TNC: variants seen among roughly 807,000 people sequenced by gnomAD.
The protein encoded by TNC is tenascin.
A neutral mutation model predicts 202.4 loss-of-function variants in TNC; 109 were observed. The observed-to-expected ratio is 0.54, with a 90% confidence interval of 0.46 to 0.63. The LOEUF (loss-of-function observed/expected upper bound fraction) is 0.63, where lower values mean the gene tolerates loss of function less well. TNC is among the 30% of genes least tolerant of loss of function. The probability of loss-of-function intolerance (pLI) is 0.00; values close to 1 mark genes in which losing one functional copy is unlikely to be tolerated. For synonymous variants in TNC, 1,007 were observed against 1,089.7 expected, an observed-to-expected ratio of 0.92 and a Z score of 1.50; for missense variants, 2,756 against 2,833.3, an observed-to-expected ratio of 0.97 and a Z score of 0.62.
intron 10 of TNC, among the ~76,000 whole-genome samples, chr9:115,066,131 G>A (rs562865197): frequency 1.3e-5 from 2 of 152,198 alleles, no homozygotes; most frequent in South Asian, 4.1e-4. Flanking sequence ...AAAAGAAAGA[G>A]GTCCTGGGAG....
Position 115,084,222 on chromosome 9 carries a change from G to A in TNC, c.2118C>T (p.Ala706=). 6.2e-7 allele frequency: 1 copy of A among 1,614,054 alleles called. No homozygotes were observed. Among genetic ancestry groups the A allele is most frequent in the Non-Finnish European group, 8.5e-7 (1 of 1,179,958 alleles). ...LENKKSIPVS[A]RVATYLPAPE... ...CTGCTCACTCACACGTGGCCACCCT[G>A]GCGCTGACAGGAATGCTCTTCTTGT... is the stretch of plus-strand genomic sequence containing the variant. The change falls in exon 4 of 28, where the codon GCC becomes GCT. Residue 706 remains alanine, a synonymous_variant. Coordinates refer to ENST00000350763, the MANE Select transcript of TNC (RefSeq NM_002160.4).
At chr9:115,087,710 T>C (rs1300959063) in intron 2 of TNC, among the ~76,000 whole-genome samples, 44 of 147,928 alleles carry the variant, frequency 3.0e-4, no homozygotes, top group Admixed American at 8.7e-4. Flanking sequence ...TTTTTTTTTT[T>C]TTTTTTTTTG....
intron 1 of TNC, among the ~76,000 whole-genome samples, chr9:115,107,027 T>C (rs1359899646): frequency 1.3e-5 from 2 of 152,106 alleles, no homozygotes; most frequent in African/African-American, 4.8e-5. Flanking sequence ...CTGAACTTCT[T>C]TTAGGTATAG....
chr9:115,107,188 G>A (rs948423152), intron 1 of TNC, among the ~76,000 whole-genome samples: 1 of 152,072 alleles, frequency 6.6e-6, no homozygotes, highest in Admixed American at 6.6e-5. Context: ...GACTGGAAGG[G>A]ATCAGTAAAC....
chr9:115,107,102 A>G (rs1448251329), intron 1 of TNC, among the ~76,000 whole-genome samples: 1 of 152,064 alleles, frequency 6.6e-6, no homozygotes, highest in Admixed American at 6.6e-5. Flanking sequence ...TTCAATCTCT[A>G]TATACACAAG....
chr9:115,106,272 T>C (rs1206089216), intron 1 of TNC, among the ~76,000 whole-genome samples: 3 of 152,192 alleles, frequency 2.0e-5, no homozygotes, highest in African/African-American at 7.2e-5. Flanking sequence ...TTAAGAAGGT[T>C]AAGTAAGTGG....
rs746905889 is a variant in TNC, at chr9:115,046,584, C to A, written c.4951G>T (p.Val1651Phe). The A allele has an allele frequency of 6.2e-7, 1 of 1,614,002 alleles. No individual in the cohort carries two copies. The highest frequency in any genetic ancestry group is 2.2e-5 in the East Asian group (1 of 44,868). ...TADEGVFDNFVLKIRDTKKQS... is the reference protein window; with the variant it reads ...TADEGVFDNFFLKIRDTKKQS... ...TTTTTGGTATCTCTGATTTTGAGAACAAAATTGTCGAAGACCCCTTCATCA... is the reference window on the plus strand; with the variant it reads ...TTTTTGGTATCTCTGATTTTGAGAAAAAAATTGTCGAAGACCCCTTCATCA... Residue 1651 changes from valine to phenylalanine, a missense_variant, in exon 17 of 28, where the codon GTT becomes TTT. Val to Phe is a conservative substitution (Grantham distance 50, BLOSUM62 -1). Coordinates refer to ENST00000350763, the MANE Select transcript of TNC (RefSeq NM_002160.4).
intron 20 of TNC, among the ~76,000 whole-genome samples, chr9:115,037,822 T>A (rs1187720961): frequency 6.6e-6 from 1 of 152,242 alleles, no homozygotes; most frequent in East Asian, 1.9e-4. Context: ...CCACTGTACC[T>A]GGCTTAAAAT....
Position 115,041,075 on chromosome 9 carries a change from G to A in TNC, c.5258C>T (p.Ser1753Phe). 6.2e-7 allele frequency: 1 copy of A among 1,613,456 alleles called. No individual in the cohort carries two copies. Among genetic ancestry groups the A allele is most frequent in the Non-Finnish European group, 8.5e-7 (1 of 1,179,588 alleles). ...TYVPITGGTP[S>F]MVTVDGTKTQ... ...CTTGGTTCCGTCCACAGTTACCATG[G>A]AGGGTGTACCTGGAACACAGTAAAA... The change falls in exon 19 of 28, where the codon TCC (serine) becomes TTC (phenylalanine). Residue 1753 changes from serine to phenylalanine, a missense_variant. Ser to Phe is a radical substitution (Grantham distance 155). Around this residue, in one of 2 missense-constraint regions of TNC, gnomAD observed 2,559 missense variants for 2,546.0 expected, o/e 1.01. Transcript: ENST00000350763.
At chr9:115,095,556 GTATATATATGTA>G (rs1835651563) in intron 1 of TNC, among the ~76,000 whole-genome samples, 1 of 2,168 alleles carries the variant, frequency 4.6e-4, no homozygotes, top group African/African-American at 1.7e-3. Flanking sequence ...GTATATATAT[GTATATATATGTA>G]TATATATGTA....
chr9:115,030,383 G>C lies in TNC; in HGVS notation c.5943C>G (p.Pro1981=), dbSNP rs1234401270. 3.7e-6 allele frequency: 6 copies of C among 1,613,780 alleles called. No individual in the cohort carries two copies. The highest frequency in any genetic ancestry group is 5.1e-6 in the Non-Finnish European group (6 of 1,179,844). The change falls in exon 24 of 28, where the codon CCC becomes CCG. Residue 1981 remains proline (P), a synonymous_variant. Coordinates refer to ENST00000350763, the MANE Select transcript of TNC (RefSeq NM_002160.4). ...FTTIGLLYPF[P]KDCSQAMLNG... is the part of the protein sequence containing the mutation. ...TCAGCATTGCTTGGGAGCAGTCCTT[G>C]GGGAAGGGGTACAGGAGTCCAACTG...
chr9:115,076,069 G>T lies in TNC; in HGVS notation c.2913C>A (p.Asp971Glu). The T allele has an allele frequency of 6.2e-7, 1 of 1,614,118 alleles. No homozygotes were observed. Among genetic ancestry groups the T allele is most frequent in the Non-Finnish European group, 8.5e-7 (1 of 1,180,026 alleles). Residue 971 changes from aspartate (D) to glutamate (E), a missense_variant, in exon 9 of 28, where the codon GAC becomes GAA. Coordinates refer to ENST00000350763, the MANE Select transcript of TNC (RefSeq NM_002160.4). ...TGATGGTCGCTGGATTGCTCTCCTTGTCTTCCTTCACAGCAGAAACTCCAA... is the reference window on the plus strand; with the variant it reads ...TGATGGTCGCTGGATTGCTCTCCTTTTCTTCCTTCACAGCAGAAACTCCAA... ...YGIGVSAVKE[D>E]KESNPATINA...
rs1352660155 is a variant in TNC, at chr9:115,091,037, T to G, written c.-19A>C. 1.2e-5 allele frequency: 19 copies of G among 1,598,482 alleles called. No homozygotes were observed. Among genetic ancestry groups the G allele is most frequent in the Non-Finnish European group, 1.5e-5 (18 of 1,174,434 alleles). Reference sequence around the variant, plus strand: ...CCCCCATGGTGGAGGTGGGTTTGGCTGGGTGCTGCTGGGGCTCTAGGGCTC... The same window carrying G: ...CCCCCATGGTGGAGGTGGGTTTGGCGGGGTGCTGCTGGGGCTCTAGGGCTC... On this transcript the variant is annotated 5_prime_UTR_variant, in exon 2 of 28. Transcript: ENST00000350763.
chr9:115,024,752 A>C (rs1829349719), intron 26 of TNC, among the ~76,000 whole-genome samples: 1 of 152,236 alleles, frequency 6.6e-6, no homozygotes, highest in African/African-American at 2.4e-5. Context: ...TAAAGTATTC[A>C]TCAGACCATG....
At chr9:115,027,698 T>G (rs772964168) in intron 25 of TNC, among the ~76,000 whole-genome samples, 12 of 151,986 alleles carry the variant, frequency 7.9e-5, no homozygotes, top group Non-Finnish European at 1.5e-4. Context: ...TTTTCTGGGG[T>G]AGGCAGTGGT....
At chr9:115,041,624 A>C (rs953697599) in intron 18 of TNC, among the ~76,000 whole-genome samples, 1 of 152,220 alleles carries the variant, frequency 6.6e-6, no homozygotes, top group African/African-American at 2.4e-5. Context: ...AGCTGGTCAG[A>C]CTTCCTATAG....
At chr9:115,110,799 A>C (rs1836982393) in intron 1 of TNC, among the ~76,000 whole-genome samples, 1 of 152,312 alleles carries the variant, frequency 6.6e-6, no homozygotes, top group Non-Finnish European at 1.5e-5. Flanking sequence ...GAGTTAAAAC[A>C]ACTAATCAAA....
chr9:115,030,903 ACAGGTG>A (rs1209869726), intron 23 of TNC, among the ~76,000 whole-genome samples: 1 of 152,204 alleles, frequency 6.6e-6, no homozygotes, highest in African/African-American at 2.4e-5. Flanking sequence ...ATACTTTGTG[ACAGGTG>A]CAGGGGGAGG....
chr9:115,065,136 C>T (rs1208643338), intron 10 of TNC, among the ~76,000 whole-genome samples: 1 of 152,176 alleles, frequency 6.6e-6, no homozygotes, highest in East Asian at 1.9e-4. Context: ...TGGCTCGAGC[C>T]TGTAATCCCA....
Sources: allele counts gnomAD v4.1 joint callset (sites outside exome capture counted in the v4.1 genomes callset), GRCh38; gene constraint gnomAD v4.1.1; regional missense constraint gnomAD v4.1.1; transcripts MANE v1.5; gene names NCBI Gene and HGNC (gene_info 2026-07-23, HGNC 2026-07-21).